The following DCHS2 variants were observed in gnomAD, a reference collection of about 807,000 sequenced individuals.
The protein encoded by DCHS2 is protocadherin-23.
In DCHS2, 142 loss-of-function variants were observed where a neutral mutation model predicts 182.4. The observed-to-expected ratio is 0.78, with a 90% CI of 0.68 to 0.89. The LOEUF is 0.89. DCHS2 is among the 40% of genes least tolerant of loss of function. The probability of loss-of-function intolerance (pLI) is 0.00; values close to 1 mark genes in which losing one functional copy is unlikely to be tolerated. For missense variants in DCHS2, 4,319 were observed against 4,198.6 expected (o/e 1.03, Z -0.79); for synonymous variants, 1,740 against 1,663.3 (o/e 1.05, Z -1.12).
intron 3 of DCHS2, among the ~76,000 whole-genome samples, chr4:154,335,350 T>C (rs552552201): frequency 1.3e-3 from 202 of 152,238 alleles, no homozygotes; most frequent in Non-Finnish European, 2.6e-3. Context: ...TGGGCAGGCC[T>C]GGTCCAATCC....
chr4:154,490,437 C>T lies in DCHS2; in HGVS notation c.919G>A (p.Glu307Lys), dbSNP rs1389425299. Residue 307 changes from glutamate to lysine, a missense_variant, in exon 1 of 20, where the codon GAG (glutamate) becomes AAG (lysine). Physicochemically the swap from Glu to Lys is moderately conservative, Grantham distance 56. Coordinates refer to ENST00000357232, the MANE Select transcript of DCHS2 (RefSeq NM_001358235.2). The part of the protein sequence containing the change: ...EQDEYRAAVR[E>K]DAQPGAEVCR... Reference sequence around the variant, plus strand: ...ACCTCGGCGCCCGGCTGGGCGTCCTCGCGCACCGCGGCGCGGTACTCGTCC... The same window carrying T: ...ACCTCGGCGCCCGGCTGGGCGTCCTTGCGCACCGCGGCGCGGTACTCGTCC... The T allele has an allele frequency of 3.9e-6, 6 of 1,534,440 alleles. No homozygotes were observed. Among genetic ancestry groups the T allele is most frequent in the South Asian group, 3.6e-5 (3 of 83,864 alleles).
intron 1 of DCHS2, among the ~76,000 whole-genome samples, chr4:154,435,400 T>C (rs1320299713): frequency 6.6e-6 from 1 of 151,986 alleles, no homozygotes; most frequent in Non-Finnish European, 1.5e-5. Flanking sequence ...ATCGAGACCA[T>C]CCTGTGTTAC....
In DCHS2 at chr4:154,298,468, C is replaced by T. The variant is rs764828024; in HGVS notation, c.5846G>A (p.Gly1949Glu). 3 of 1,614,024 alleles carry T rather than the reference C, an allele frequency of 1.9e-6. No homozygotes were observed. The highest frequency in any genetic ancestry group is 2.5e-6 in the Non-Finnish European group (3 of 1,180,002). The stretch of plus-strand genomic sequence containing the variant: ...AGCTGAAAGCACAAGAACCACTGTT[C>T]CCACTTCAGCATCTTCTCTCACAGA... The part of the protein sequence containing the change: ...QSSVREDAEV[G>E]TVVLVLSAVD... The change falls in exon 13 of 20, where the codon GGA becomes GAA. Residue 1949 changes from glycine (G) to glutamate (E), a missense_variant. Physicochemically the swap from Gly to Glu is moderately conservative, Grantham distance 98. Transcript: ENST00000357232.
chr4:154,250,127 G>T (rs1221679586), intron 16 of DCHS2, among the ~76,000 whole-genome samples: 2 of 152,128 alleles, frequency 1.3e-5, no homozygotes, highest in African/African-American at 4.8e-5. Flanking sequence ...TTGGATGGGG[G>T]AGTGGGAGGG....
chr4:154,323,486 G>A (rs1421921565), intron 7 of DCHS2, among the ~76,000 whole-genome samples: 1 of 152,170 alleles, frequency 6.6e-6, no homozygotes, highest in Non-Finnish European at 1.5e-5. Flanking sequence ...TGGGCCAAAA[G>A]CTAGTTATTT....
At chr4:154,272,375 T>C (rs1733640928) in intron 13 of DCHS2, 1 of 152,176 alleles carries the variant, frequency 6.6e-6, no homozygotes. Context: ...CATATGAGAA[T>C]GGCAGTTGCT....
At position 154,235,119 on chromosome 4, in the gene DCHS2, G is replaced by A. The variant is rs1255248253; in HGVS notation, c.9533C>T (p.Ala3178Val). The change falls in exon 20 of 20, where the codon GCT becomes GTT. Residue 3178 changes from alanine (A) to valine (V), a missense_variant. Ala to Val is a moderately conservative substitution (Grantham distance 64, BLOSUM62 0). Coordinates refer to ENST00000357232, the MANE Select transcript of DCHS2 (RefSeq NM_001358235.2). ...TGTCTGGGGTAACACATTATTTTGA[G>A]CACAGGTGGTGCTGCAGCCTTCCCC... ...DQGEGCSTTCAQNNVLPQTVQ... is the reference protein window; with the variant it reads ...DQGEGCSTTCVQNNVLPQTVQ... 1 of 1,613,826 alleles carries A rather than the reference G, an allele frequency of 6.2e-7. No homozygotes were observed. The highest frequency in any genetic ancestry group is 8.5e-7 in the Non-Finnish European group (1 of 1,179,940).
chr4:154,375,972 C>T (rs1160950491), intron 2 of DCHS2, among the ~76,000 whole-genome samples: 1 of 152,004 alleles, frequency 6.6e-6, no homozygotes, highest in Non-Finnish European at 1.5e-5. Context: ...AGAAACTCGA[C>T]AGAAACACAT....
At chr4:154,313,238 A>G (rs1297129902) in intron 10 of DCHS2, among the ~76,000 whole-genome samples, 1 of 152,126 alleles carries the variant, frequency 6.6e-6, no homozygotes, top group Admixed American at 6.5e-5. Flanking sequence ...TTCACTAACA[A>G]TGGCGCTCTT....
At chr4:154,366,984 T>A (rs62331896) in intron 2 of DCHS2, among the ~76,000 whole-genome samples, 14,747 of 152,146 alleles carry the variant, frequency 0.097, 912 homozygotes, top group Middle Eastern at 0.2. Flanking sequence ...GTACCATTGG[T>A]GTGCAGACCA....
intron 3 of DCHS2, among the ~76,000 whole-genome samples, chr4:154,355,308 C>T (rs1047953579): frequency 5.4e-5 from 7 of 130,648 alleles, no homozygotes; most frequent in African/African-American, 2.0e-4. Flanking sequence ...AATTATAATG[C>T]ATTAGCATGC....
rs149007702 is a variant in DCHS2, at chr4:154,305,249, G to A, written c.5261-18C>T. On this transcript the variant is annotated intron_variant, in intron 10 of 19. Coordinates refer to ENST00000357232, the MANE Select transcript of DCHS2 (RefSeq NM_001358235.2). Reference sequence around the variant, plus strand: ...ATTGACTCCTTAAGAAAAATATAAAGAAAAACTTAGCAATCATTTCTTTGA... The same window carrying A: ...ATTGACTCCTTAAGAAAAATATAAAAAAAAACTTAGCAATCATTTCTTTGA... The A allele has an allele frequency of 1.3e-6, 2 of 1,598,362 alleles. No individual in the cohort carries two copies. The highest frequency in any genetic ancestry group is 4.5e-5 in the East Asian group (2 of 44,524).
intron 1 of DCHS2, among the ~76,000 whole-genome samples, chr4:154,476,235 A>T (rs1230076666): frequency 1.3e-5 from 2 of 152,238 alleles, no homozygotes; most frequent in Non-Finnish European, 2.9e-5. Flanking sequence ...TGGAAACTCA[A>T]GGTTAAAAGA....
intron 3 of DCHS2, among the ~76,000 whole-genome samples, chr4:154,343,114 T>G (rs1008443168): frequency 6.6e-6 from 1 of 152,194 alleles, no homozygotes; most frequent in Non-Finnish European, 1.5e-5. Flanking sequence ...TTGTGAATAA[T>G]AGGTCTCAAC....
chr4:154,419,314 T>G (rs1480171635), intron 1 of DCHS2, among the ~76,000 whole-genome samples: 3 of 152,206 alleles, frequency 2.0e-5, no homozygotes, highest in African/African-American at 7.2e-5. Context: ...TGCTTGGATA[T>G]CAAACTACTC....
In DCHS2 at chr4:154,489,533, A is replaced by G; in HGVS notation, c.1823T>C (p.Ile608Thr). Residue 608 changes from isoleucine to threonine, a missense_variant, in exon 1 of 20, where the codon ATT becomes ACT. Physicochemically the swap from Ile to Thr is moderately conservative, Grantham distance 89 (BLOSUM62 -1). Coordinates refer to ENST00000357232, the MANE Select transcript of DCHS2 (RefSeq NM_001358235.2). Reference protein sequence around the residue: ...HTAECGPSFAIDSESGAISTI... With the variant: ...HTAECGPSFATDSESGAISTI... ...GCTGATCGCACCGCTTTCGGAATCA[A>G]TGGCAAAAGATGGTCCACACTCTGC... 1.3e-6 allele frequency: 2 copies of G among 1,551,666 alleles called. No individual in the cohort carries two copies. Among genetic ancestry groups the G allele is most frequent in the Non-Finnish European group, 8.7e-7 (1 of 1,146,970 alleles).
intron 13 of DCHS2, among the ~76,000 whole-genome samples, chr4:154,277,676 A>G: frequency 6.6e-6 from 1 of 151,954 alleles, no homozygotes; most frequent in East Asian, 1.9e-4. Flanking sequence ...GAAACAAAAA[A>G]TGGCTGAATC....
chr4:154,464,246 A>C (rs1446542665), intron 1 of DCHS2, among the ~76,000 whole-genome samples: 1 of 152,164 alleles, frequency 6.6e-6, no homozygotes, highest in Non-Finnish European at 1.5e-5. Flanking sequence ...TTGCGACTTA[A>C]GTAGTATTTG....
At chr4:154,322,805 T>A (rs1035611497) in intron 7 of DCHS2, 2 of 261,852 alleles carry the variant, frequency 7.6e-6, no homozygotes, top group African/African-American at 4.4e-5. Flanking sequence ...TCTCCCATTT[T>A]TTTTGAAGTA....
Sources: allele counts gnomAD v4.1 joint callset (sites outside exome capture counted in the v4.1 genomes callset), GRCh38; gene constraint gnomAD v4.1.1; transcripts MANE v1.5; gene names NCBI Gene and HGNC (gene_info 2026-07-23, HGNC 2026-07-21).